Variants in ATPSCKMT observed in about 807,000 individuals in gnomAD.
The protein encoded by ATPSCKMT is ATP synthase subunit C lysine N-methyltransferase.
Under a neutral mutation model 24.3 loss-of-function variants are expected in ATPSCKMT, and 24 were observed. That is an observed-to-expected ratio of 0.99 (90% confidence interval 0.71 to 1.39). The LOEUF is 1.39. ATPSCKMT is among the 40% of genes most tolerant of loss of function. The pLI is 0.00. For synonymous variants in ATPSCKMT, 95 were observed against 110.5 expected (o/e 0.86, Z 0.88); for missense variants, 311 against 298.4 (o/e 1.04, Z -0.31).
chr5:10,228,390 TTTC>T (rs1489215800), intron 4 of ATPSCKMT, among the ~76,000 whole-genome samples: 3 of 152,212 alleles, frequency 2.0e-5, no homozygotes, highest in Non-Finnish European at 4.4e-5. Flanking sequence ...TGATAATGAA[TTTC>T]TTGATAGCCT....
chr5:10,249,696 C>G, intron 1 of ATPSCKMT, 162 bp downstream of exon 1: 1 of 1,157,632 alleles, frequency 8.6e-7, no homozygotes, highest in South Asian at 1.8e-5. Context: ...CACCGCGCGG[C>G]GACCAGGAGC....
chr5:10,230,781 ACTCCTGGCACTTC>A (rs1744095591), intron 4 of ATPSCKMT, among the ~76,000 whole-genome samples: 1 of 151,600 alleles, frequency 6.6e-6, no homozygotes, highest in African/African-American at 2.4e-5. Context: ...AGTGTAACTC[ACTCCTGGCACTTC>A]CTCCTCCCCA....
At chr5:10,246,839 G>C (rs1340825379) in intron 1 of ATPSCKMT, among the ~76,000 whole-genome samples, 2 of 152,330 alleles carry the variant, frequency 1.3e-5, no homozygotes, top group East Asian at 3.9e-4. Flanking sequence ...GGCTGGTTGT[G>C]AGAAATGCTA....
chr5:10,247,755 T>C (rs1744998330), intron 1 of ATPSCKMT, among the ~76,000 whole-genome samples: 1 of 152,240 alleles, frequency 6.6e-6, no homozygotes, highest in Non-Finnish European at 1.5e-5. Flanking sequence ...TGGCAAGAAC[T>C]TTCTTTCAGG....
At chr5:10,243,183 C>T (rs955335023) in intron 1 of ATPSCKMT, among the ~76,000 whole-genome samples, 1 of 152,302 alleles carries the variant, frequency 6.6e-6, no homozygotes, top group South Asian at 2.1e-4. Context: ...AAGGTTGTTT[C>T]ATCCATATTG....
chr5:10,232,219 A>C (rs981086125), intron 4 of ATPSCKMT, among the ~76,000 whole-genome samples: 3 of 152,256 alleles, frequency 2.0e-5, no homozygotes, highest in Non-Finnish European at 2.9e-5. Context: ...AAAGAAAAAA[A>C]AAATTCATAA....
At chr5:10,230,536 T>C (rs1225611591) in intron 4 of ATPSCKMT, among the ~76,000 whole-genome samples, 1 of 152,210 alleles carries the variant, frequency 6.6e-6, no homozygotes, top group Non-Finnish European at 1.5e-5. Flanking sequence ...TACACATAAA[T>C]ATGCAATGAA....
chr5:10,233,490 C>T (rs1291386476), intron 4 of ATPSCKMT, among the ~76,000 whole-genome samples: 1 of 152,124 alleles, frequency 6.6e-6, no homozygotes, highest in Non-Finnish European at 1.5e-5. Flanking sequence ...GGTACATGTT[C>T]CTTATTTCAG....
rs968394187 is a variant in ATPSCKMT, at chr5:10,246,210, A to G, written c.16+3648T>C. On this transcript the variant is annotated intron_variant, in intron 1 of 4. Coordinates refer to ENST00000511437, the MANE Select transcript of ATPSCKMT (RefSeq NM_199133.4). ...TTTGGGAGGCCGAGGTGGGCGGATC[A>G]CTTGAGGTCAGGAGTTCCAGACCAG... 3.0e-4 allele frequency among the ~76,000 whole-genome samples: 45 copies of G among 152,052 alleles called. 1 individual carries two copies. Among genetic ancestry groups the G allele is most frequent in the African/African-American group, 1.1e-3 (45 of 41,390 alleles).
chr5:10,229,780 T>A (rs1035830159), intron 4 of ATPSCKMT, among the ~76,000 whole-genome samples: 1 of 152,250 alleles, frequency 6.6e-6, no homozygotes, highest in African/African-American at 2.4e-5. Flanking sequence ...TCTTATTTCA[T>A]TTGATGGGTT....
In ATPSCKMT at chr5:10,236,791, T is replaced by C. The variant is rs113134840; in HGVS notation, c.307-176A>G. ...CGATATAGCTTTGTGGACAACGTAA[T>C]AGTCAACCCATGCAACTTAGTTTCC... On this transcript the variant is annotated intron_variant, in intron 2 of 4. Coordinates refer to ENST00000511437, the MANE Select transcript of ATPSCKMT (RefSeq NM_199133.4). 5.3e-4 allele frequency: 790 copies of C among 1,477,192 alleles called. 7 individuals carry two copies. The African/African-American group carries it at 9.9e-3, about 18-fold the overall frequency. The allele number at this position is 1,477,192 out of a possible 1,614,324, so 91.5% of individuals were successfully genotyped here.
At chr5:10,232,488 A>G (rs748202740) in intron 4 of ATPSCKMT, among the ~76,000 whole-genome samples, 1 of 152,208 alleles carries the variant, frequency 6.6e-6, no homozygotes, top group Non-Finnish European at 1.5e-5. Context: ...ATGCACAATA[A>G]CCCATCTAAG....
chr5:10,235,098 C>A, intron 4 of ATPSCKMT, 113 bp downstream of exon 4: 1 of 836,046 alleles, frequency 1.2e-6, no homozygotes, highest in East Asian at 2.6e-5. Flanking sequence ...TCCAGTGTTC[C>A]CTAAAATCTC....
At chr5:10,230,760 A>C (rs1413740920) in intron 4 of ATPSCKMT, among the ~76,000 whole-genome samples, 1 of 152,108 alleles carries the variant, frequency 6.6e-6, no homozygotes, top group African/African-American at 2.4e-5. Context: ...CCCCGGTTTC[A>C]CTGGGCCGCC....
In ATPSCKMT at chr5:10,239,188, G is replaced by A. The variant is rs534661598; in HGVS notation, c.185C>T (p.Ala62Val). ...AAACGGCAAACAGACTTTTCGAAGGGCTGGCGTTACAAACGGCGTGGCTAC... is the reference window on the plus strand; with the variant it reads ...AAACGGCAAACAGACTTTTCGAAGGACTGGCGTTACAAACGGCGTGGCTAC... ...YAVATPFVTP[A>V]LRKVCLPFVP... The change falls in exon 2 of 5, where the codon GCC (alanine) becomes GTC (valine). Residue 62 changes from alanine to valine, a missense_variant. Physicochemically the swap from Ala to Val is moderately conservative, Grantham distance 64. Transcript: ENST00000511437. 2.5e-6 allele frequency: 4 copies of A among 1,614,158 alleles called. No individual in the cohort carries two copies. The South Asian group carries it at 4.4e-5, about 18-fold the overall frequency.
chr5:10,238,897 G>T (rs1744495105), intron 2 of ATPSCKMT, 170 bp downstream of exon 2: 3 of 794,072 alleles, frequency 3.8e-6, no homozygotes, highest in South Asian at 3.9e-5. Flanking sequence ...TGGGAAAAAT[G>T]AATTCCAAAC....
chr5:10,231,203 C>A (rs979540192), intron 4 of ATPSCKMT, among the ~76,000 whole-genome samples: 1 of 152,192 alleles, frequency 6.6e-6, no homozygotes, highest in Non-Finnish European at 1.5e-5. Flanking sequence ...TGGGCCAACA[C>A]GCTGGGGCTG....
At chr5:10,236,216 G>C (rs2126440051) in intron 3 of ATPSCKMT, 2 of 311,306 alleles carry the variant, frequency 6.4e-6, no homozygotes, top group South Asian at 1.7e-4. Context: ...TCATTATTTT[G>C]TAAGAAACAG....
At chr5:10,236,400 T>C (rs1744370340) in intron 3 of ATPSCKMT, 78 bp downstream of exon 3, 1 of 1,475,792 alleles carries the variant, frequency 6.8e-7, no homozygotes, top group Admixed American at 2.2e-5. Flanking sequence ...AATACATTTT[T>C]CAGTTCTCAG....
Sources: allele counts gnomAD v4.1 joint callset (sites outside exome capture counted in the v4.1 genomes callset), GRCh38; gene constraint gnomAD v4.1.1; transcripts MANE v1.5; gene names NCBI Gene and HGNC (gene_info 2026-07-23, HGNC 2026-07-21).